Variants in FAF1 observed in about 807,000 individuals in gnomAD.
The protein encoded by FAF1 is Fas associated factor 1.
FAF1 carries 25 observed loss-of-function variants against 92.5 expected under a neutral mutation model. The observed-to-expected ratio is 0.27, with a 90% CI of 0.20 to 0.38. The LOEUF is 0.38. Ranked by LOEUF, FAF1 falls within the 10% of genes least tolerant of loss-of-function variation. The pLI is 1.00. For missense variants in FAF1, 636 were observed against 793.3 expected, an observed-to-expected ratio of 0.80 and a Z score of 2.38; for synonymous variants, 234 against 273.2, an observed-to-expected ratio of 0.86 and a Z score of 1.42.
chr1:50,767,238 T>C lies in FAF1; in HGVS notation c.367+20762A>G, dbSNP rs532511483. Among the ~76,000 whole-genome samples the C allele has an allele frequency of 8.6e-5, 13 of 152,042 alleles. No individual in the cohort carries two copies. The South Asian group carries it at 2.7e-3, about 32-fold the overall frequency. The stretch of plus-strand genomic sequence containing the variant: ...AGAAACCCAAAGCTCAAACACTGGT[T>C]CCCCAAAATAACTCAGACTAAAATT... On this transcript the variant is annotated intron_variant, in intron 4 of 18. Coordinates refer to ENST00000396153, the MANE Select transcript of FAF1 (RefSeq NM_007051.3).
intron 2 of FAF1, among the ~76,000 whole-genome samples, chr1:50,816,380 A>G (rs1643975757): frequency 6.6e-6 from 1 of 150,922 alleles, no homozygotes; most frequent in African/African-American, 2.4e-5. Context: ...AATTTTTTGT[A>G]TTTCTAGTAG....
At chr1:50,804,500 T>C (rs1330187304) in intron 2 of FAF1, among the ~76,000 whole-genome samples, 3 of 152,002 alleles carry the variant, frequency 2.0e-5, no homozygotes, top group African/African-American at 7.2e-5. Context: ...AAGAAGAAAC[T>C]ATAAGGAGCT....
At chr1:50,688,868 TACA>T (rs1306546950) in intron 7 of FAF1, among the ~76,000 whole-genome samples, 3 of 152,150 alleles carry the variant, frequency 2.0e-5, no homozygotes, top group African/African-American at 7.2e-5. Flanking sequence ...TATCATGTGC[TACA>T]ACATGAATGA....
At chr1:50,807,575 A>T (rs564676643) in intron 2 of FAF1, among the ~76,000 whole-genome samples, 12 of 152,340 alleles carry the variant, frequency 7.9e-5, no homozygotes, top group Admixed American at 3.9e-4. Flanking sequence ...AACATTGGGA[A>T]TTACAATTCA....
chr1:50,557,826 G>A (rs1649661478), intron 13 of FAF1, among the ~76,000 whole-genome samples: 1 of 152,086 alleles, frequency 6.6e-6, no homozygotes, highest in Admixed American at 6.5e-5. Context: ...AATCTTTTCA[G>A]ACCTTTTTAA....
chr1:50,474,092 C>T (rs2148998297), intron 18 of FAF1, among the ~76,000 whole-genome samples: 1 of 152,298 alleles, frequency 6.6e-6, no homozygotes, highest in South Asian at 2.1e-4. Flanking sequence ...CACTTCACGA[C>T]ACAAGATATT....
intron 7 of FAF1, among the ~76,000 whole-genome samples, chr1:50,701,477 T>C (rs1657471634): frequency 6.6e-6 from 1 of 152,098 alleles, no homozygotes; most frequent in Non-Finnish European, 1.5e-5. Flanking sequence ...AACCCACTAC[T>C]AGAACATCAA....
At chr1:50,530,430 T>C (rs1391714562) in intron 15 of FAF1, among the ~76,000 whole-genome samples, 2 of 151,598 alleles carry the variant, frequency 1.3e-5, no homozygotes, top group Non-Finnish European at 2.9e-5. Context: ...GATTTATTCC[T>C]GCTTTAAAGA....
chr1:50,812,470 A>G (rs1053456533), intron 2 of FAF1, among the ~76,000 whole-genome samples: 2 of 152,262 alleles, frequency 1.3e-5, no homozygotes, highest in African/African-American at 4.8e-5. Context: ...AGCATACGAA[A>G]AAATGCTCAA....
In FAF1 at chr1:50,567,037, A is replaced by G. The variant is rs760034543; in HGVS notation, c.1268+40T>C. The G allele has an allele frequency of 2.1e-6, 3 of 1,446,158 alleles. No homozygotes were observed. In the South Asian group the frequency reaches 4.6e-5, roughly 22 times the overall value. 89.6% of individuals were successfully genotyped at this position (1,446,158 alleles called of 1,614,324 possible). ...TGATAAACACAATGATTTTTTTTTT[A>G]ATAGAAGCCCAACTTGTAACTTGTG... On this transcript the variant is annotated intron_variant, in intron 13 of 18. Transcript: ENST00000396153.
At chr1:50,643,022 G>T (rs1654416538) in intron 8 of FAF1, among the ~76,000 whole-genome samples, 1 of 151,958 alleles carries the variant, frequency 6.6e-6, no homozygotes, top group Admixed American at 6.6e-5. Context: ...TGTAGACAGG[G>T]TTTCACCATG....
chr1:50,510,356 G>C (rs1398548556), intron 15 of FAF1, among the ~76,000 whole-genome samples: 1 of 151,906 alleles, frequency 6.6e-6, no homozygotes, highest in Non-Finnish European at 1.5e-5. Context: ...AGGGAAAATA[G>C]CTGAATTTCC....
chr1:50,953,490 C>A (rs768673684), intron 1 of FAF1, among the ~76,000 whole-genome samples: 31 of 151,988 alleles, frequency 2.0e-4, no homozygotes, highest in Non-Finnish European at 4.4e-4. Context: ...GTAATCCCAG[C>A]ACTTTGGGAA....
At chr1:50,922,473 A>AG (rs1173456595) in intron 1 of FAF1, among the ~76,000 whole-genome samples, 3 of 147,586 alleles carry the variant, frequency 2.0e-5, no homozygotes, top group East Asian at 2.0e-4. Flanking sequence ...AAAAAAAAAA[A>AG]AAAAAAAAAG....
At chr1:50,844,698 T>C (rs578006217) in intron 2 of FAF1, among the ~76,000 whole-genome samples, 2 of 151,900 alleles carry the variant, frequency 1.3e-5, no homozygotes, top group South Asian at 4.2e-4. Context: ...GCAGTATCAA[T>C]AAATTAGAGA....
At chr1:50,927,751 A>G (rs1343399060) in intron 1 of FAF1, among the ~76,000 whole-genome samples, 1 of 152,188 alleles carries the variant, frequency 6.6e-6, no homozygotes, top group African/African-American at 2.4e-5. Flanking sequence ...TTCTGAGACT[A>G]GAAATCCAAT....
intron 15 of FAF1, among the ~76,000 whole-genome samples, chr1:50,518,255 C>T (rs537737571): frequency 6.6e-6 from 1 of 152,254 alleles, no homozygotes; most frequent in Non-Finnish European, 1.5e-5. Flanking sequence ...AAGCATAATG[C>T]CTTTGTGATA....
intron 9 of FAF1, among the ~76,000 whole-genome samples, chr1:50,588,022 C>T (rs912824897): frequency 5.3e-5 from 8 of 152,204 alleles, no homozygotes; most frequent in African/African-American, 1.9e-4. Flanking sequence ...CATGGTGGCT[C>T]ATGCCTGTAA....
intron 6 of FAF1, among the ~76,000 whole-genome samples, chr1:50,732,357 G>A (rs1658963590): frequency 6.6e-6 from 1 of 152,110 alleles, no homozygotes; most frequent in African/African-American, 2.4e-5. Context: ...TTATAGGCAT[G>A]AGCCACCACA....
Sources: allele counts gnomAD v4.1 joint callset (sites outside exome capture counted in the v4.1 genomes callset), GRCh38; gene constraint gnomAD v4.1.1; transcripts MANE v1.5; gene names NCBI Gene and HGNC (gene_info 2026-07-23, HGNC 2026-07-21).